The following REV3L variants were observed in gnomAD, a reference collection of about 807,000 sequenced individuals.
REV3L encodes the protein DNA polymerase zeta catalytic subunit.
REV3L carries 69 observed loss-of-function variants against 299.4 expected under a neutral mutation model. That is an observed-to-expected ratio of 0.23 (90% CI 0.19 to 0.28). The LOEUF is 0.28. Ranked by LOEUF, REV3L falls within the 10% of genes least tolerant of loss-of-function variation. REV3L has a pLI of 1.00. For missense variants in REV3L, 3,128 were observed against 3,693.8 expected (o/e 0.85, Z 3.97); for synonymous variants, 1,238 against 1,271.4 (o/e 0.97, Z 0.56).
In REV3L at chr6:111,299,998, T is replaced by C. The variant is rs771515713; in HGVS notation, c.*18A>G. 9 of 1,607,482 alleles carry C rather than the reference T, an allele frequency of 5.6e-6. No individual in the cohort carries two copies. Among genetic ancestry groups the C allele is most frequent in the Non-Finnish European group, 7.6e-6 (9 of 1,177,374 alleles). On this transcript the variant is annotated 3_prime_UTR_variant, in exon 32 of 32. Coordinates refer to ENST00000368802, the MANE Select transcript of REV3L (RefSeq NM_001372078.1). ...GCACTGAAAAAAATAGCACCTGTAA[T>C]ACTGTGATATTGACAATTTAAAACT... is the stretch of plus-strand genomic sequence containing the variant.
Position 111,329,560 on chromosome 6 carries a change from T to G in REV3L, c.8213A>C (p.Asn2738Thr). Reference sequence around the variant, plus strand: ...AATGCATGGCATTCTCCCAGAAAAATTAGCAGATGTATAGCCAAATGTGAC... The same window carrying G: ...AATGCATGGCATTCTCCCAGAAAAAGTAGCAGATGTATAGCCAAATGTGAC... Reference protein sequence around the residue: ...ANVTFGYTSANFSGRMPCIEV... With the variant: ...ANVTFGYTSATFSGRMPCIEV... The change falls in exon 25 of 32, where the codon AAT (asparagine) becomes ACT (threonine). Residue 2738 changes from asparagine to threonine, a missense_variant. Around this residue, in one of 9 missense-constraint regions of REV3L, gnomAD observed 53 missense variants for 57.4 expected, o/e 0.92. Transcript: ENST00000368802. 1 of 1,614,128 alleles carries G rather than the reference T, an allele frequency of 6.2e-7. No homozygotes were observed. The highest frequency in any genetic ancestry group is 8.5e-7 in the Non-Finnish European group (1 of 1,180,008).
At chr6:111,363,294 A>C (rs1778880813) in intron 16 of REV3L, among the ~76,000 whole-genome samples, 1 of 152,008 alleles carries the variant, frequency 6.6e-6, no homozygotes, top group Non-Finnish European at 1.5e-5. Flanking sequence ...ATACAGACTT[A>C]CTTCTTTTTT....
chr6:111,310,874 A>G, intron 29 of REV3L, 195 bp downstream of exon 29: 1 of 429,156 alleles, frequency 2.3e-6, no homozygotes, highest in Non-Finnish European at 4.1e-6. Context: ...TTTCTGAAGG[A>G]AAGCCCAAAA....
intron 26 of REV3L, among the ~76,000 whole-genome samples, chr6:111,319,664 A>G (rs1773919226): frequency 6.6e-6 from 1 of 151,784 alleles, no homozygotes; most frequent in Non-Finnish European, 1.5e-5. Context: ...TTGGAATGTC[A>G]TCATAATTGG....
At chr6:111,329,386 A>G in intron 25 of REV3L, 146 bp downstream of exon 25, 1 of 638,830 alleles carries the variant, frequency 1.6e-6, no homozygotes, top group Non-Finnish European at 2.7e-6. Flanking sequence ...AGGTCTCACT[A>G]TGTTGTCCAG....
intron 5 of REV3L, among the ~76,000 whole-genome samples, chr6:111,390,972 A>AAATGGAC (rs756909405): frequency 3.3e-5 from 5 of 152,148 alleles, no homozygotes; most frequent in Non-Finnish European, 5.9e-5. Flanking sequence ...CCTTGTACAA[A>AAATGGAC]AATGGACACC....
intron 21 of REV3L, among the ~76,000 whole-genome samples, chr6:111,340,952 C>T (rs1367554571): frequency 1.3e-5 from 2 of 150,532 alleles, no homozygotes; most frequent in Non-Finnish European, 2.9e-5. Flanking sequence ...TTAGAGATTC[C>T]GGGGCTTATA....
chr6:111,384,214 C>A (rs1422487243), intron 9 of REV3L, among the ~76,000 whole-genome samples: 2 of 151,986 alleles, frequency 1.3e-5, no homozygotes. Flanking sequence ...TGGGAAATAT[C>A]CCCAAAGCAC....
intron 1 of REV3L, chr6:111,431,765 G>T: frequency 1.3e-6 from 1 of 758,470 alleles, no homozygotes; most frequent in South Asian, 1.4e-5. Flanking sequence ...GTTGCTGAAT[G>T]TGGACCTGGT....
At chr6:111,455,519 G>T (rs1351717042) in intron 1 of REV3L, among the ~76,000 whole-genome samples, 1 of 152,050 alleles carries the variant, frequency 6.6e-6, no homozygotes, top group Non-Finnish European at 1.5e-5. Flanking sequence ...TAGATTATAG[G>T]CCAGGGCTAT....
At chr6:111,388,808 A>G (rs1319794088) in intron 7 of REV3L, among the ~76,000 whole-genome samples, 1 of 152,212 alleles carries the variant, frequency 6.6e-6, no homozygotes, top group Non-Finnish European at 1.5e-5. Flanking sequence ...ATTTGGAAAT[A>G]CAGAGGGCTA....
chr6:111,425,286 C>T (rs1472052942), intron 1 of REV3L, among the ~76,000 whole-genome samples: 1 of 151,858 alleles, frequency 6.6e-6, no homozygotes, highest in Non-Finnish European at 1.5e-5. Flanking sequence ...GAAACCCCGT[C>T]TCTACTAAAA....
intron 4 of REV3L, among the ~76,000 whole-genome samples, chr6:111,402,255 G>T (rs567324314): frequency 2.0e-5 from 3 of 152,198 alleles, no homozygotes; most frequent in African/African-American, 7.2e-5. Context: ...AGTCCCAGGA[G>T]ATTCAAACTA....
intron 1 of REV3L, chr6:111,431,338 G>C: frequency 9.4e-7 from 1 of 1,066,664 alleles, no homozygotes; most frequent in Non-Finnish European, 1.5e-6. Context: ...CAGAAGTAGA[G>C]CCACCAGGAT....
At chr6:111,390,353 G>T (rs1176974969) in intron 5 of REV3L, among the ~76,000 whole-genome samples, 173 bp from the exon 6 acceptor site, 1 of 151,904 alleles carries the variant, frequency 6.6e-6, no homozygotes, top group Non-Finnish European at 1.5e-5. Context: ...TGAAAAATAG[G>T]ATGAGAAAAA....
intron 1 of REV3L, among the ~76,000 whole-genome samples, chr6:111,459,460 G>T (rs1221206120): frequency 6.6e-6 from 1 of 151,942 alleles, no homozygotes; most frequent in Non-Finnish European, 1.5e-5. Flanking sequence ...TACAGCAAGA[G>T]AAACCATTAA....
chr6:111,347,607 T>G (rs1777159744), intron 20 of REV3L, among the ~76,000 whole-genome samples: 1 of 152,226 alleles, frequency 6.6e-6, no homozygotes, highest in South Asian at 2.1e-4. Context: ...TTAGCTTTCT[T>G]TTAAATATAA....
At chr6:111,413,526 C>T (rs1784461725) in intron 2 of REV3L, among the ~76,000 whole-genome samples, 1 of 151,842 alleles carries the variant, frequency 6.6e-6, no homozygotes, top group African/African-American at 2.4e-5. Flanking sequence ...CTTAACTCAG[C>T]CTCAGGATAG....
chr6:111,313,405 C>T lies in REV3L; in HGVS notation c.8551G>A (p.Asp2851Asn). Residue 2851 changes from aspartate to asparagine, a missense_variant, in exon 28 of 32, where the codon GAT (aspartate) becomes AAT (asparagine). Coordinates refer to ENST00000368802, the MANE Select transcript of REV3L (RefSeq NM_001372078.1). ...CTGACTGTTTCTATTCCTTTTGCATCAAATACTGGGTCCTTCTGATCCAGT... is the reference window on the plus strand; with the variant it reads ...CTGACTGTTTCTATTCCTTTTGCATTAAATACTGGGTCCTTCTGATCCAGT... ...ETLDQKDPVF[D>N]AKGIETVRRD... 6.2e-7 allele frequency: 1 copy of T among 1,613,432 alleles called. No homozygotes were observed. The highest frequency in any genetic ancestry group is 8.5e-7 in the Non-Finnish European group (1 of 1,179,780).
Sources: allele counts gnomAD v4.1 joint callset (sites outside exome capture counted in the v4.1 genomes callset), GRCh38; gene constraint gnomAD v4.1.1; regional missense constraint gnomAD v4.1.1; transcripts MANE v1.5; gene names NCBI Gene and HGNC (gene_info 2026-07-23, HGNC 2026-07-21).